The following LRBA variants were observed in gnomAD, a reference collection of about 807,000 sequenced individuals.
The protein encoded by LRBA is LPS responsive beige-like anchor protein, also known as lipopolysaccharide-responsive and beige-like anchor protein.
LRBA carries 176 observed loss-of-function variants against 330.0 expected under a neutral mutation model. The observed-to-expected ratio is 0.53, with a 90% CI of 0.47 to 0.60. The LOEUF (loss-of-function observed/expected upper bound fraction) is 0.60, where lower values mean the gene tolerates loss of function less well. LRBA is among the 20% of genes least tolerant of loss of function. The pLI is 0.00. For synonymous variants in LRBA, 1,230 were observed against 1,193.0 expected (o/e 1.03, Z -0.64); for missense variants, 3,259 against 3,444.8 (o/e 0.95, Z 1.35).
intron 46 of LRBA, among the ~76,000 whole-genome samples, chr4:150,434,031 A>T (rs1750771541): frequency 6.6e-6 from 1 of 152,182 alleles, no homozygotes; most frequent in African/African-American, 2.4e-5. Context: ...AGCAAGATGC[A>T]ATTGTCATTA....
At position 150,773,174 on chromosome 4, in the gene LRBA, C is replaced by T. The variant is rs1336928474; in HGVS notation, c.5581-11327G>A. Among the ~76,000 whole-genome samples the T allele has an allele frequency of 2.0e-5, 3 of 152,122 alleles. No homozygotes were observed. In the East Asian group the frequency reaches 5.8e-4, roughly 29 times the overall value. On this transcript the variant is annotated intron_variant, in intron 34 of 56. Transcript: ENST00000651943. ...ACAACTTCTTGCTCACTAAGTGGAA[C>T]CAGCATAATGTCATCAATGTAATGG...
Position 150,978,926 on chromosome 4 carries a change from T to C in LRBA, c.216+35501A>G, listed in dbSNP as rs117392679. On this transcript the variant is annotated intron_variant, in intron 2 of 56. Transcript: ENST00000651943. ...CTCAAAAGGACAAATCTGAGAGTTATTGTCCTTAAAGAGGAAGTGGAGAAA... is the reference window on the plus strand; with the variant it reads ...CTCAAAAGGACAAATCTGAGAGTTACTGTCCTTAAAGAGGAAGTGGAGAAA... 3.0e-4 allele frequency among the ~76,000 whole-genome samples: 45 copies of C among 152,244 alleles called. No individual in the cohort carries two copies. In the East Asian group the frequency reaches 7.2e-3, roughly 24 times the overall value.
At chr4:150,595,448 T>C (rs1773386740) in intron 38 of LRBA, among the ~76,000 whole-genome samples, 1 of 151,926 alleles carries the variant, frequency 6.6e-6, no homozygotes, top group Non-Finnish European at 1.5e-5. Context: ...GTTACTTGTA[T>C]CATTCCATAT....
chr4:150,465,220 A>C lies in LRBA; in HGVS notation c.6780+2453T>G, dbSNP rs114836340. On this transcript the variant is annotated intron_variant, in intron 44 of 56. Transcript: ENST00000651943. ...CCTCAAGGGTTATTCATGTTGTAGC[A>C]TATGTCAGAGCTTCCTTCCTTTTTA... is the stretch of plus-strand genomic sequence containing the variant. Among the ~76,000 whole-genome samples, 644 of 152,178 alleles carry C rather than the reference A, an allele frequency of 4.2e-3. 7 individuals are homozygous for C. Among genetic ancestry groups the C allele is most frequent in the African/African-American group, 0.015 (614 of 41,540 alleles).
chr4:150,799,756 A>T (rs533982102), intron 33 of LRBA, among the ~76,000 whole-genome samples: 122 of 152,150 alleles, frequency 8.0e-4, no homozygotes, highest in African/African-American at 1.8e-3. Flanking sequence ...ATATATATAT[A>T]TTTTTTGAGA....
chr4:150,435,640 TG>T lies in LRBA; in HGVS notation c.6989del (p.Ser2330TyrfsTer20). Reference sequence around the variant, plus strand: ...TGTTTCGCCAAGCTCTGGAAATTGATGAAAAAGTTCGATCTGCATGATCAAA... The same window carrying T: ...TGTTTCGCCAAGCTCTGGAAATTGATAAAAAGTTCGATCTGCATGATCAAA... ...GKFDHADRTF[S>X]SISRAWRNSQ... is the part of the protein sequence containing the mutation. On this transcript the variant is annotated frameshift_variant, in exon 46 of 57. Coordinates refer to ENST00000651943, the MANE Select transcript of LRBA (RefSeq NM_001364905.1). LOFTEE classifies it high-confidence loss of function. The T allele has an allele frequency of 6.2e-7, 1 of 1,613,268 alleles. No individual in the cohort carries two copies. Among genetic ancestry groups the T allele is most frequent in the Non-Finnish European group, 8.5e-7 (1 of 1,179,542 alleles).
intron 46 of LRBA, among the ~76,000 whole-genome samples, chr4:150,434,539 A>G (rs1750846105): frequency 6.6e-6 from 1 of 152,088 alleles, no homozygotes. Context: ...TATTTTTCAG[A>G]CTATAGTAAT....
At chr4:150,827,310 G>T (rs1746413098) in intron 30 of LRBA, among the ~76,000 whole-genome samples, 1 of 151,972 alleles carries the variant, frequency 6.6e-6, no homozygotes, top group Non-Finnish European at 1.5e-5. Flanking sequence ...GTGAAAGAAG[G>T]GTTTGTACCA....
intron 40 of LRBA, among the ~76,000 whole-genome samples, chr4:150,529,947 TA>T (rs1763888189): frequency 6.6e-6 from 1 of 152,332 alleles, no homozygotes; most frequent in South Asian, 2.1e-4. Flanking sequence ...CTAGAGTATT[TA>T]AAAACTAGTC....
At chr4:150,440,789 T>C (rs1174225772) in intron 44 of LRBA, among the ~76,000 whole-genome samples, 1 of 53,468 alleles carries the variant, frequency 1.9e-5, no homozygotes, top group Non-Finnish European at 4.8e-5. Flanking sequence ...AATAAAAACT[T>C]AGATTAAAGT....
At chr4:150,283,122 G>A (rs1747746546) in intron 54 of LRBA, among the ~76,000 whole-genome samples, 1 of 152,174 alleles carries the variant, frequency 6.6e-6, no homozygotes, top group Non-Finnish European at 1.5e-5. Context: ...GCCTCTGAGT[G>A]CCTTAGCCCT....
intron 40 of LRBA, among the ~76,000 whole-genome samples, chr4:150,513,759 C>A (rs561713091): frequency 6.6e-6 from 1 of 152,128 alleles, no homozygotes; most frequent in Non-Finnish European, 1.5e-5. Flanking sequence ...AGATTGGGGC[C>A]GCATCCTTAT....
intron 17 of LRBA, among the ~76,000 whole-genome samples, chr4:150,878,336 C>CA (rs1013239748): frequency 2.0e-4 from 29 of 148,550 alleles, no homozygotes; most frequent in South Asian, 4.3e-4. Context: ...AGGACTGTCT[C>CA]AAAAAAAAAG....
chr4:150,607,859 AC>A (rs1284376426), intron 37 of LRBA, among the ~76,000 whole-genome samples: 1 of 151,930 alleles, frequency 6.6e-6, no homozygotes, highest in East Asian at 1.9e-4. Flanking sequence ...ACGTGGTGAA[AC>A]CCCGTCTCTA....
Position 150,321,456 on chromosome 4 carries a change from T to C in LRBA, c.7453-88A>G. On this transcript the variant is annotated intron_variant, in intron 49 of 56. Coordinates refer to ENST00000651943, the MANE Select transcript of LRBA (RefSeq NM_001364905.1). The surrounding 1 kb of genome is among the most constrained non-coding windows in gnomAD (Gnocchi z 4.5). ...GAAGAAAGACAAGAAAGAGAGGGGG[T>C]GCAGGAAAAGAAGAGGAAGACCATA... 1 of 1,154,630 alleles carries C rather than the reference T, an allele frequency of 8.7e-7. No homozygotes were observed. The highest frequency in any genetic ancestry group is 1.2e-6 in the Non-Finnish European group (1 of 832,376). The allele number at this position is 1,154,630 out of a possible 1,614,324, so 71.5% of individuals were successfully genotyped here.
Position 150,307,064 on chromosome 4 carries a change from G to A in LRBA, c.7849+3165C>T, listed in dbSNP as rs570802033. On this transcript the variant is annotated intron_variant, in intron 52 of 56. Transcript: ENST00000651943. ...TGAATATAGGATTTTAATTATTAGT[G>A]TTATATGAAAGTGAAGTTAGCTTTA... Among the ~76,000 whole-genome samples the A allele has an allele frequency of 2.0e-5, 3 of 151,996 alleles. No homozygotes were observed. In the South Asian group the frequency reaches 6.2e-4, roughly 32 times the overall value.
intron 36 of LRBA, among the ~76,000 whole-genome samples, chr4:150,696,698 GA>G (rs1784647452): frequency 6.6e-6 from 1 of 152,068 alleles, no homozygotes; most frequent in Non-Finnish European, 1.5e-5. Flanking sequence ...GAGAGAAAAA[GA>G]AGGAACTATT....
At chr4:150,769,826 C>T (rs1320123985) in intron 34 of LRBA, among the ~76,000 whole-genome samples, 1 of 152,232 alleles carries the variant, frequency 6.6e-6, no homozygotes, top group Non-Finnish European at 1.5e-5. Flanking sequence ...CCTCAAACCA[C>T]ATTTCATTAC....
intron 42 of LRBA, among the ~76,000 whole-genome samples, chr4:150,474,955 A>G (rs1487101394): frequency 6.6e-6 from 1 of 152,156 alleles, no homozygotes; most frequent in African/African-American, 2.4e-5. Context: ...CACTTTGTGG[A>G]AATTTCTTTA....
Sources: allele counts gnomAD v4.1 joint callset (sites outside exome capture counted in the v4.1 genomes callset), GRCh38; gene constraint gnomAD v4.1.1; non-coding constraint Gnocchi (gnomAD v3.1); transcripts MANE v1.5; gene names NCBI Gene and HGNC (gene_info 2026-07-23, HGNC 2026-07-21).